Variants in CAMK4 observed in about 807,000 individuals in gnomAD.
CAMK4 encodes calcium/calmodulin-dependent protein kinase type IV.
Under a neutral mutation model 44.9 loss-of-function variants are expected in CAMK4, and 22 were observed. That is an observed-to-expected ratio of 0.49 (90% CI 0.35 to 0.70). CAMK4 has a LOEUF of 0.70. Ranked by LOEUF, CAMK4 falls within the 30% of genes least tolerant of loss-of-function variation. CAMK4 has a pLI of 0.01. For synonymous variants in CAMK4, 218 were observed against 215.4 expected (o/e 1.01, Z -0.11); for missense variants, 498 against 586.8 (o/e 0.85, Z 1.56).
Position 111,253,349 on chromosome 5 carries a change from C to T in CAMK4, c.161+28705C>T, listed in dbSNP as rs545740928. Among the ~76,000 whole-genome samples, 3 of 152,310 alleles carry T rather than the reference C, an allele frequency of 2.0e-5. No individual in the cohort carries two copies. The South Asian group carries it at 6.2e-4, about 32-fold the overall frequency. Reference sequence around the variant, plus strand: ...CTAGGCAGACCTCTCAAGCCAGCAGCAGGTGCCGGCTGCCCTGCTTGCCCC... The same window carrying T: ...CTAGGCAGACCTCTCAAGCCAGCAGTAGGTGCCGGCTGCCCTGCTTGCCCC... On this transcript the variant is annotated intron_variant, in intron 1 of 10. Transcript: ENST00000282356.
At chr5:111,468,206 C>T (rs1445167280) in intron 7 of CAMK4, among the ~76,000 whole-genome samples, 2 of 152,100 alleles carry the variant, frequency 1.3e-5, no homozygotes, top group Non-Finnish European at 2.9e-5. Context: ...TAAAAAACTA[C>T]ACATTGGGTA....
In CAMK4 at chr5:111,230,939, GGC is replaced by G. The variant is rs1748444254; in HGVS notation, c.161+6296_161+6297del. Among the ~76,000 whole-genome samples the G allele has an allele frequency of 6.6e-5, 10 of 152,098 alleles. No homozygotes were observed. The East Asian group carries it at 9.7e-4, about 15-fold the overall frequency. ...TCATACTGCAAAATATGGTGTTTGA[GGC>G]AAGGAACCATGTAATTCAGGACAAA... On this transcript the variant is annotated intron_variant, in intron 1 of 10. Coordinates refer to ENST00000282356, the MANE Select transcript of CAMK4 (RefSeq NM_001744.6).
intron 5 of CAMK4, among the ~76,000 whole-genome samples, chr5:111,419,625 G>A (rs867393787): frequency 3.9e-5 from 6 of 152,240 alleles, no homozygotes; most frequent in South Asian, 2.1e-4. Flanking sequence ...TTTGTATAAG[G>A]TGTAAGGAAG....
chr5:111,258,784 C>T (rs1254503358), intron 1 of CAMK4, among the ~76,000 whole-genome samples: 1 of 123,796 alleles, frequency 8.1e-6, no homozygotes, highest in Non-Finnish European at 1.8e-5. Context: ...TGTGTGTGTG[C>T]AGTCTTAGCC....
intron 5 of CAMK4, among the ~76,000 whole-genome samples, chr5:111,426,905 A>G (rs1043012509): frequency 6.6e-6 from 1 of 152,188 alleles, no homozygotes; most frequent in African/African-American, 2.4e-5. Flanking sequence ...GCCTCCAGGT[A>G]AACTTGCAAG....
Position 111,484,500 on chromosome 5 carries a change from G to A in CAMK4, c.*34G>A, listed in dbSNP as rs771698925. On this transcript the variant is annotated 3_prime_UTR_variant, in exon 11 of 11. Transcript: ENST00000282356. The surrounding 1 kb of genome is among the most constrained non-coding windows in gnomAD (Gnocchi z 5.3). The stretch of plus-strand genomic sequence containing the variant: ...CTTCAGATCTGGAAGCCAAACACCG[G>A]CATTTTATGTACTTTGTCCTTCAGC... 1.4e-5 allele frequency: 20 copies of A among 1,384,942 alleles called. No homozygotes were observed. In the Admixed American group the frequency reaches 2.6e-4, roughly 18 times the overall value. The allele number at this position is 1,384,942 out of a possible 1,614,324, so 85.8% of individuals were successfully genotyped here.
chr5:111,240,430 A>G (rs1748935484), intron 1 of CAMK4, among the ~76,000 whole-genome samples: 2 of 152,344 alleles, frequency 1.3e-5, no homozygotes, highest in East Asian at 1.9e-4. Flanking sequence ...TATTAGCCAT[A>G]CCTAAAAAAT....
chr5:111,480,281 CA>C, intron 9 of CAMK4, among the ~76,000 whole-genome samples: 2 of 151,288 alleles, frequency 1.3e-5, no homozygotes, highest in African/African-American at 4.9e-5. Context: ...CACACACACA[CA>C]CACACACCCC....
In CAMK4 at chr5:111,310,407, G is replaced by A. The variant is rs914001981; in HGVS notation, c.162-33617G>A. Among the ~76,000 whole-genome samples, 7 of 152,246 alleles carry A rather than the reference G, an allele frequency of 4.6e-5. 1 individual carries two copies. The highest frequency in any genetic ancestry group is 2.9e-5 in the Non-Finnish European group (2 of 68,040). The stretch of plus-strand genomic sequence containing the variant: ...CAGGGAGTTGGTTGACAGAAGTTCC[G>A]GCACTAATGACAAAAGAGGCATGAG... On this transcript the variant is annotated intron_variant, in intron 1 of 10. Transcript: ENST00000282356.
intron 2 of CAMK4, among the ~76,000 whole-genome samples, chr5:111,345,800 GC>G (rs910750053): frequency 1.3e-5 from 2 of 151,938 alleles, no homozygotes; most frequent in African/African-American, 4.8e-5. Context: ...TATTCGTTGG[GC>G]AAGTGCCGCT....
At chr5:111,431,579 C>T (rs150049414) in intron 5 of CAMK4, among the ~76,000 whole-genome samples, 4,059 of 152,118 alleles carry the variant, frequency 0.027, 197 homozygotes, top group African/African-American at 0.093. Flanking sequence ...AGACAACCCA[C>T]AGAATGGGAG....
intron 1 of CAMK4, among the ~76,000 whole-genome samples, chr5:111,289,311 A>T (rs1276756609): frequency 6.6e-6 from 1 of 152,192 alleles, no homozygotes; most frequent in East Asian, 1.9e-4. Flanking sequence ...GCGCCATTGC[A>T]CTCCAGCCTG....
intron 5 of CAMK4, among the ~76,000 whole-genome samples, chr5:111,419,711 C>T (rs1752951763): frequency 6.6e-6 from 1 of 152,046 alleles, no homozygotes. Context: ...ATCCTTTCCC[C>T]ATTTCTTGTT....
rs897491664 is a variant in CAMK4 at position 111,491,199 on chromosome 5, A to G, written c.*6733A>G. 1 of 152,196 alleles carries G rather than the reference A, an allele frequency of 6.6e-6. No homozygotes were observed. The highest frequency in any genetic ancestry group is 2.4e-5 in the African/African-American group (1 of 41,436). 9.4% of individuals were successfully genotyped at this position (152,196 alleles called of 1,614,324 possible). On this transcript the variant is annotated 3_prime_UTR_variant, in exon 11 of 11. Transcript: ENST00000282356. ...AACCAATGATTCACAGAGCAAATCT[A>G]CCAAAGCCCCATTTTTATTGGAACA... is the stretch of plus-strand genomic sequence containing the variant.
chr5:111,327,979 T>C (rs1269532067), intron 1 of CAMK4, among the ~76,000 whole-genome samples: 1 of 104,330 alleles, frequency 9.6e-6, no homozygotes, highest in Admixed American at 1.0e-4. Flanking sequence ...ACTCTGATGG[T>C]AGTTTCTTTT....
At chr5:111,278,210 C>T (rs780327871) in intron 1 of CAMK4, among the ~76,000 whole-genome samples, 9 of 152,180 alleles carry the variant, frequency 5.9e-5, no homozygotes, top group African/African-American at 9.7e-5. Context: ...GCACAATGCT[C>T]AGTGAAGAAA....
intron 1 of CAMK4, among the ~76,000 whole-genome samples, chr5:111,295,037 T>G (rs146122299): frequency 1.1e-3 from 168 of 152,354 alleles, no homozygotes; most frequent in African/African-American, 3.4e-3. Context: ...TATGTGACTT[T>G]AAAAGTCTTA....
chr5:111,430,199 A>C (rs188348384), intron 5 of CAMK4, among the ~76,000 whole-genome samples: 2 of 152,354 alleles, frequency 1.3e-5, no homozygotes, highest in East Asian at 3.9e-4. Flanking sequence ...TCATATCAAC[A>C]GAATGAGGGA....
intron 1 of CAMK4, among the ~76,000 whole-genome samples, chr5:111,257,104 G>T (rs542956075): frequency 5.3e-5 from 8 of 152,286 alleles, no homozygotes; most frequent in African/African-American, 1.9e-4. Flanking sequence ...AAGATTTCAT[G>T]ACAAAAACAT....
Sources: allele counts gnomAD v4.1 joint callset (sites outside exome capture counted in the v4.1 genomes callset), GRCh38; gene constraint gnomAD v4.1.1; non-coding constraint Gnocchi (gnomAD v3.1); transcripts MANE v1.5; gene names NCBI Gene and HGNC (gene_info 2026-07-23, HGNC 2026-07-21).